The following ATP8B4 variants were observed in gnomAD, a reference collection of about 807,000 sequenced individuals.
ATP8B4 encodes ATPase phospholipid transporting 8B4 (putative).
Under a neutral mutation model 145.6 loss-of-function variants are expected in ATP8B4, and 133 were observed. The observed-to-expected ratio is 0.91, with a 90% CI of 0.79 to 1.05. The LOEUF (loss-of-function observed/expected upper bound fraction) is 1.05. Ranked by LOEUF, ATP8B4 falls within the 50% of genes least tolerant of loss-of-function variation. The pLI is 0.00. For missense variants in ATP8B4, 1,458 were observed against 1,425.2 expected, an observed-to-expected ratio of 1.02 and a Z score of -0.37; for synonymous variants, 507 against 492.9, an observed-to-expected ratio of 1.03 and a Z score of -0.38.
intron 5 of ATP8B4, among the ~76,000 whole-genome samples, chr15:50,042,148 C>T (rs2051337921): frequency 7.3e-6 from 1 of 136,790 alleles, no homozygotes; most frequent in African/African-American, 2.9e-5. Context: ...GAGTGAGACT[C>T]TGTCTTAAAA....
At chr15:49,986,693 AC>A in intron 10 of ATP8B4, among the ~76,000 whole-genome samples, 1 of 152,240 alleles carries the variant, frequency 6.6e-6, no homozygotes. Flanking sequence ...AATAAACAGG[AC>A]TTTTAAAATC....
intron 23 of ATP8B4, chr15:49,897,003 C>T: frequency 3.1e-6 from 1 of 321,724 alleles, no homozygotes; most frequent in Non-Finnish European, 5.8e-6. Context: ...GCTTACCTGT[C>T]ATCATACCAA....
intron 1 of ATP8B4, among the ~76,000 whole-genome samples, chr15:50,154,325 C>A (rs1249050597): frequency 6.6e-6 from 1 of 152,080 alleles, no homozygotes. Context: ...ATCCTATTCA[C>A]TAGTTCTGTT....
chr15:49,913,124 C>CTTTTTTTTTTT (rs543634812), intron 20 of ATP8B4, among the ~76,000 whole-genome samples: 1 of 139,408 alleles, frequency 7.2e-6, no homozygotes, highest in African/African-American at 2.9e-5. Flanking sequence ...GAGCACCTGG[C>CTTTTTTTTTTT]TTTTTTTTTT....
At chr15:50,028,795 A>C (rs2050198262) in intron 6 of ATP8B4, among the ~76,000 whole-genome samples, 1 of 152,144 alleles carries the variant, frequency 6.6e-6, no homozygotes, top group Non-Finnish European at 1.5e-5. Flanking sequence ...ATAAGTGTCT[A>C]CTGAGTGAAA....
chr15:49,874,401 G>T (rs2034085520), intron 25 of ATP8B4, among the ~76,000 whole-genome samples: 1 of 152,176 alleles, frequency 6.6e-6, no homozygotes, highest in South Asian at 2.1e-4. Flanking sequence ...GCAAGAGACT[G>T]GTGAATTCCA....
intron 1 of ATP8B4, among the ~76,000 whole-genome samples, chr15:50,173,524 C>T (rs1178260728): frequency 6.6e-6 from 1 of 152,022 alleles, no homozygotes. Flanking sequence ...TCACCACTCC[C>T]TAATCTCAAG....
chr15:49,965,255 T>C (rs995282092), intron 13 of ATP8B4, among the ~76,000 whole-genome samples: 3 of 152,200 alleles, frequency 2.0e-5, no homozygotes, highest in Non-Finnish European at 4.4e-5. Context: ...AAGTAGGAGA[T>C]TGCAAACATC....
chr15:49,943,026 T>TA (rs551335137), intron 14 of ATP8B4, among the ~76,000 whole-genome samples: 1 of 152,012 alleles, frequency 6.6e-6, no homozygotes, highest in Non-Finnish European at 1.5e-5. Context: ...AAAAAGACTT[T>TA]AAAAAAATTT....
At position 49,898,000 on chromosome 15, in the gene ATP8B4, T is replaced by C. The variant is rs572659126; in HGVS notation, c.2473+68A>G. 6.5e-5 allele frequency: 99 copies of C among 1,528,104 alleles called. No individual in the cohort carries two copies. In the African/African-American group the frequency reaches 1.2e-3, roughly 19 times the overall value. The allele number at this position is 1,528,104 out of a possible 1,614,324, so 94.7% of individuals were successfully genotyped here. A position where few individuals can be genotyped will look rare whatever the true frequency, so the allele number is the denominator to read the frequency against. On this transcript the variant is annotated intron_variant, in intron 22 of 27. Transcript: ENST00000284509. ...ATTTTAATGCAATCTAGTGATTATATATTGCCAAATGCTGAAACTGAGGAC... is the reference window on the plus strand; with the variant it reads ...ATTTTAATGCAATCTAGTGATTATACATTGCCAAATGCTGAAACTGAGGAC...
intron 23 of ATP8B4, among the ~76,000 whole-genome samples, chr15:49,892,459 G>GT (rs1233088053): frequency 1.3e-5 from 2 of 152,194 alleles, no homozygotes; most frequent in Non-Finnish European, 2.9e-5. Context: ...TAAAATGGAA[G>GT]TTTTTGTAAA....
intron 1 of ATP8B4, among the ~76,000 whole-genome samples, chr15:50,110,964 T>C (rs189661660): frequency 1.0e-3 from 156 of 152,348 alleles, no homozygotes; most frequent in African/African-American, 3.7e-3. Context: ...GAAAATAGTT[T>C]TCTAATGCAA....
At chr15:49,896,103 C>A (rs2037365995) in intron 23 of ATP8B4, 1 of 152,182 alleles carries the variant, frequency 6.6e-6, no homozygotes. Context: ...ATGCAAATAA[C>A]CCCAGCCCCA....
intron 14 of ATP8B4, among the ~76,000 whole-genome samples, chr15:49,961,352 G>C (rs762998740): frequency 6.6e-5 from 10 of 152,146 alleles, no homozygotes; most frequent in Non-Finnish European, 1.2e-4. Flanking sequence ...GTTTGTGTCA[G>C]GGTAAATTGT....
chr15:49,891,493 T>C (rs368368167), intron 23 of ATP8B4, among the ~76,000 whole-genome samples: 17 of 152,052 alleles, frequency 1.1e-4, no homozygotes, highest in Admixed American at 8.5e-4. Context: ...GTCCAGCTAT[T>C]TTTTGTATTT....
At chr15:50,149,881 A>G (rs2044325090) in intron 1 of ATP8B4, among the ~76,000 whole-genome samples, 1 of 152,166 alleles carries the variant, frequency 6.6e-6, no homozygotes, top group African/African-American at 2.4e-5. Context: ...TAGGCGGATC[A>G]CCTGAGGTCA....
At chr15:50,071,246 A>T (rs960487808) in intron 3 of ATP8B4, among the ~76,000 whole-genome samples, 11 of 152,324 alleles carry the variant, frequency 7.2e-5, no homozygotes, top group African/African-American at 2.6e-4. Flanking sequence ...AAAAGAAAGA[A>T]AGATCTGAAG....
chr15:49,965,893 C>T (rs181271218), intron 13 of ATP8B4, among the ~76,000 whole-genome samples: 1 of 152,076 alleles, frequency 6.6e-6, no homozygotes, highest in Admixed American at 6.5e-5. Flanking sequence ...AGAAGGGAGG[C>T]AATTCTGCAT....
chr15:50,122,293 T>C (rs2057277658), upstream of ATP8B4, among the ~76,000 whole-genome samples: 1 of 152,112 alleles, frequency 6.6e-6, no homozygotes, highest in South Asian at 2.1e-4. Context: ...TTGTGGGACA[T>C]AGAAAAGATG....
Sources: gnomAD v4.1 joint callset for allele counts (sites outside exome capture counted in the v4.1 genomes callset) on GRCh38, gnomAD v4.1.1 for gene constraint, MANE v1.5 for transcripts, NCBI Gene and HGNC (gene_info 2026-07-23, HGNC 2026-07-21) for gene names.